Variants in EHBP1 observed in about 807,000 individuals in gnomAD.
EHBP1 encodes EH domain-binding protein 1.
In EHBP1, 55 loss-of-function variants were observed where a neutral mutation model predicts 144.0. The ratio of observed to expected loss-of-function variants is 0.38; its 90% CI spans 0.31 to 0.48. The LOEUF (loss-of-function observed/expected upper bound fraction) is 0.48, where lower values mean the gene tolerates loss of function less well. EHBP1 is among the 20% of genes least tolerant of loss of function. The probability of loss-of-function intolerance (pLI) is 0.98; values close to 1 mark genes in which losing one functional copy is unlikely to be tolerated. For synonymous variants in EHBP1, 469 were observed against 472.7 expected, an observed-to-expected ratio of 0.99 and a Z score of 0.10; for missense variants, 1,200 against 1,364.2, an observed-to-expected ratio of 0.88 and a Z score of 1.90.
At chr2:62,744,375 T>C (rs2038969114) in intron 2 of EHBP1, among the ~76,000 whole-genome samples, 1 of 152,042 alleles carries the variant, frequency 6.6e-6, no homozygotes, top group South Asian at 2.1e-4. Context: ...TGTGGTCTCT[T>C]GGGAGTATAT....
rs369772833 is a variant in EHBP1, at chr2:62,708,463, C to T, written c.104+1168C>T. Among the ~76,000 whole-genome samples, 7 of 152,196 alleles carry T rather than the reference C, an allele frequency of 4.6e-5. No individual in the cohort carries two copies. In the East Asian group the frequency reaches 5.8e-4, roughly 13 times the overall value. ...ATATGTATGACATAAGGATTTTAAT[C>T]TGTCTCGATACAGTTGAGTATCTTT... On this transcript the variant is annotated intron_variant, in intron 2 of 22. Coordinates refer to ENST00000431489, the MANE Select transcript of EHBP1 (RefSeq NM_001142616.3).
intron 9 of EHBP1, among the ~76,000 whole-genome samples, chr2:62,866,550 GA>G (rs1425622000): frequency 6.6e-6 from 1 of 152,146 alleles, no homozygotes; most frequent in African/African-American, 2.4e-5. Context: ...TTAGAAAATT[GA>G]AATTGAATTT....
At chr2:62,751,615 C>G (rs183679394) in intron 3 of EHBP1, among the ~76,000 whole-genome samples, 2,935 of 152,010 alleles carry the variant, frequency 0.019, 94 homozygotes, top group African/African-American at 0.065. Flanking sequence ...ATCTGGTCCT[C>G]GACTTTTTTT....
rs539970205 is a variant in EHBP1 at position 62,745,757 on chromosome 2, G to A, written c.105-1638G>A. On this transcript the variant is annotated intron_variant, in intron 2 of 22. Coordinates refer to ENST00000431489, the MANE Select transcript of EHBP1 (RefSeq NM_001142616.3). Reference sequence around the variant, plus strand: ...AAGCTGGTCAGGTGTGAAGCAGTTGGTAGTGTTGGAGGCTCTCCTAATCTG... The same window carrying A: ...AAGCTGGTCAGGTGTGAAGCAGTTGATAGTGTTGGAGGCTCTCCTAATCTG... Among the ~76,000 whole-genome samples the A allele has an allele frequency of 2.0e-5, 3 of 152,096 alleles. No homozygotes were observed. The South Asian group carries it at 6.2e-4, about 32-fold the overall frequency.
intron 10 of EHBP1, among the ~76,000 whole-genome samples, chr2:62,888,067 C>G (rs1411004081): frequency 6.6e-6 from 1 of 152,086 alleles, no homozygotes; most frequent in African/African-American, 2.4e-5. Context: ...TAGGGTGAGG[C>G]AAGAGAAATT....
chr2:62,839,942 C>T (rs909924657), intron 7 of EHBP1, among the ~76,000 whole-genome samples: 8 of 152,014 alleles, frequency 5.3e-5, no homozygotes, highest in African/African-American at 1.9e-4. Flanking sequence ...CAATGCCATC[C>T]CCATCAAGGT....
At chr2:62,867,392 G>T (rs1028222659) in intron 9 of EHBP1, among the ~76,000 whole-genome samples, 1 of 151,968 alleles carries the variant, frequency 6.6e-6, no homozygotes, top group African/African-American at 2.4e-5. Context: ...AAGGTTACAG[G>T]CTACAATATT....
chr2:62,796,826 CT>C (rs113168998), intron 5 of EHBP1, among the ~76,000 whole-genome samples: 3,866 of 139,656 alleles, frequency 0.028, 87 homozygotes, highest in African/African-American at 0.071. Flanking sequence ...TGACTTCTGA[CT>C]TTTTTTTTTT....
intron 19 of EHBP1, among the ~76,000 whole-genome samples, chr2:63,023,132 A>C (rs2060828270): frequency 6.6e-6 from 1 of 152,146 alleles, no homozygotes; most frequent in Non-Finnish European, 1.5e-5. Context: ...CCGAGATGAC[A>C]CCACTGCACT....
At chr2:62,721,947 A>G (rs1017548555) in intron 2 of EHBP1, among the ~76,000 whole-genome samples, 3 of 152,174 alleles carry the variant, frequency 2.0e-5, no homozygotes, top group Non-Finnish European at 2.9e-5. Flanking sequence ...TGCAAACACA[A>G]TACAAATAAT....
At chr2:62,985,570 A>G (rs945250328) in intron 15 of EHBP1, among the ~76,000 whole-genome samples, 56 of 151,596 alleles carry the variant, frequency 3.7e-4, no homozygotes, top group African/African-American at 1.3e-3. Context: ...GTCCTTCAAG[A>G]CTCTCTGTAG....
At chr2:62,914,711 C>T (rs1322215583) in intron 10 of EHBP1, among the ~76,000 whole-genome samples, 1 of 151,938 alleles carries the variant, frequency 6.6e-6, no homozygotes, top group Non-Finnish European at 1.5e-5. Flanking sequence ...GGTTCCATGA[C>T]TGTATGCATT....
intron 2 of EHBP1, among the ~76,000 whole-genome samples, chr2:62,725,535 T>TA (rs2036683907): frequency 6.6e-6 from 1 of 152,188 alleles, no homozygotes; most frequent in South Asian, 2.1e-4. Flanking sequence ...CAGGGGTGGT[T>TA]ACTCAGGGCA....
At chr2:62,854,843 C>G (rs1043823894) in intron 7 of EHBP1, among the ~76,000 whole-genome samples, 1 of 152,212 alleles carries the variant, frequency 6.6e-6, no homozygotes, top group Non-Finnish European at 1.5e-5. Flanking sequence ...AAGCAGCTGG[C>G]GGGAACTGGG....
intron 10 of EHBP1, among the ~76,000 whole-genome samples, chr2:62,938,112 T>C (rs768459497): frequency 6.6e-6 from 1 of 151,958 alleles, no homozygotes; most frequent in Non-Finnish European, 1.5e-5. Flanking sequence ...GTTGGGACAA[T>C]AGCTGTATCA....
chr2:62,793,322 C>CT (rs1449099225), intron 5 of EHBP1, among the ~76,000 whole-genome samples: 2 of 152,046 alleles, frequency 1.3e-5, no homozygotes, highest in African/African-American at 2.4e-5. Context: ...CAGGTGTGAG[C>CT]TTTGAGGGGA....
chr2:62,778,683 G>C (rs1269260269), intron 5 of EHBP1, among the ~76,000 whole-genome samples: 2 of 152,084 alleles, frequency 1.3e-5, no homozygotes, highest in African/African-American at 4.8e-5. Flanking sequence ...TGATATAATA[G>C]CTCAAATAAT....
chr2:62,905,887 A>G (rs1280804396), intron 10 of EHBP1, among the ~76,000 whole-genome samples: 1 of 152,148 alleles, frequency 6.6e-6, no homozygotes, highest in Non-Finnish European at 1.5e-5. Context: ...GCAGGAGAGA[A>G]TAGAAACAAA....
At chr2:62,713,613 G>A (rs2035375014) in intron 2 of EHBP1, among the ~76,000 whole-genome samples, 1 of 152,124 alleles carries the variant, frequency 6.6e-6, no homozygotes, top group Non-Finnish European at 1.5e-5. Flanking sequence ...AAAGGAAGAG[G>A]CAAGGTAAGA....
Sources: gnomAD v4.1 joint callset for allele counts (sites outside exome capture counted in the v4.1 genomes callset) on GRCh38, gnomAD v4.1.1 for gene constraint, MANE v1.5 for transcripts, NCBI Gene and HGNC (gene_info 2026-07-23, HGNC 2026-07-21) for gene names.